The following MDGA1 variants were observed in gnomAD, a reference collection of about 807,000 sequenced individuals.
MDGA1 encodes the protein MAM domain containing glycosylphosphatidylinositol anchor 1, also known as MAM domain-containing glycosylphosphatidylinositol anchor protein 1.
MDGA1 carries 54 observed loss-of-function variants against 101.5 expected under a neutral mutation model. The observed-to-expected ratio is 0.53, with a 90% CI of 0.43 to 0.67. MDGA1 has a LOEUF of 0.67. Among genes scored for constraint, MDGA1 ranks in the 30% least tolerant of loss-of-function variants. The pLI, the probability that MDGA1 is intolerant of heterozygous loss-of-function variation, is 0.00. For missense variants in MDGA1, 1,083 were observed against 1,323.8 expected (o/e 0.82, Z 2.82); for synonymous variants, 533 against 558.3 (o/e 0.95, Z 0.64).
In MDGA1 at chr6:37,650,287, G is replaced by A. The variant is rs753663146; in HGVS notation, c.1431C>T (p.Arg477=). 9 of 1,605,162 alleles carry A rather than the reference G, an allele frequency of 5.6e-6. No individual in the cohort carries two copies. Among genetic ancestry groups the A allele is most frequent in the Admixed American group, 5.0e-5 (3 of 59,436 alleles). ...GKPRPPVLWS[R]VDKEAALLPS... Reference sequence around the variant, plus strand: ...GCAGCAGTGCAGCCTCCTTGTCCACGCGGGACCAGAGCACTGGCGGCCGCG... The same window carrying A: ...GCAGCAGTGCAGCCTCCTTGTCCACACGGGACCAGAGCACTGGCGGCCGCG... Residue 477 remains arginine, a synonymous_variant, in exon 8 of 17, where the codon CGC becomes CGT. Transcript: ENST00000434837.
At position 37,654,561 on chromosome 6, in the gene MDGA1, G is replaced by A. The variant is rs747325767; in HGVS notation, c.713-18C>T. The A allele has an allele frequency of 3.7e-6, 6 of 1,613,872 alleles. No individual in the cohort carries two copies. The African/African-American group carries it at 8.0e-5, about 22-fold the overall frequency. On this transcript the variant is annotated intron_variant, in intron 5 of 16. Transcript: ENST00000434837. ...TGGTGGTGCTAAGAGGACAAGGAGG[G>A]GGGTCTTAGGGGACTGTGAGGCAGG...
At position 37,682,930 on chromosome 6, in the gene MDGA1, G is replaced by A. The variant is rs114712616; in HGVS notation, c.67+13815C>T. 2.1e-3 allele frequency among the ~76,000 whole-genome samples: 317 copies of A among 152,306 alleles called. 2 individuals carry two copies. Among genetic ancestry groups the A allele is most frequent in the African/African-American group, 7.4e-3 (308 of 41,560 alleles). On this transcript the variant is annotated intron_variant, in intron 1 of 16. Transcript: ENST00000434837. ...GCAGGCCACTCTGGTCATAGCCCAT[G>A]GCTTGGCTCCTGGGCAGGGAAGTAG... is the stretch of plus-strand genomic sequence containing the variant.
chr6:37,670,686 C>T (rs1761849967), intron 1 of MDGA1, among the ~76,000 whole-genome samples: 1 of 152,220 alleles, frequency 6.6e-6, no homozygotes, highest in Non-Finnish European at 1.5e-5. Context: ...GCCTGCAAGC[C>T]GTTTGCATGA....
chr6:37,655,059 C>A lies in MDGA1; in HGVS notation c.580-127G>T. On this transcript the variant is annotated intron_variant, in intron 4 of 16. Transcript: ENST00000434837. The surrounding 1 kb of genome is among the most constrained non-coding windows in gnomAD (Gnocchi z 5.1). The stretch of plus-strand genomic sequence containing the variant: ...AATTCCTCTCTTTCCATCCCCAACC[C>A]CACCCTCACCATTTAGCCCCAGGGG... 1 of 1,176,892 alleles carries A rather than the reference C, an allele frequency of 8.5e-7. No homozygotes were observed. Among genetic ancestry groups the A allele is most frequent in the Non-Finnish European group, 1.2e-6 (1 of 847,698 alleles). 72.9% of individuals were successfully genotyped at this position (1,176,892 alleles called of 1,614,324 possible). A position where few individuals can be genotyped will look rare whatever the true frequency, so the allele number is the denominator to read the frequency against.
intron 14 of MDGA1, among the ~76,000 whole-genome samples, chr6:37,640,215 G>A (rs943454260): frequency 6.6e-6 from 1 of 152,298 alleles, no homozygotes; most frequent in African/African-American, 2.4e-5. Flanking sequence ...AATGTGGTAA[G>A]AGGGCATGTT....
intron 1 of MDGA1, among the ~76,000 whole-genome samples, chr6:37,665,327 G>C (rs1012719295): frequency 6.6e-6 from 1 of 151,878 alleles, no homozygotes; most frequent in Non-Finnish European, 1.5e-5. Flanking sequence ...ACACAAGGAG[G>C]TAAAAATGAC....
chr6:37,651,284 CCAAT>C (rs575219305), intron 7 of MDGA1, among the ~76,000 whole-genome samples: 15 of 152,298 alleles, frequency 9.8e-5, no homozygotes, highest in Admixed American at 3.3e-4. Flanking sequence ...AACACATTGC[CCAAT>C]CAGAGGGTCT....
chr6:37,660,333 T>C (rs1761593436), intron 2 of MDGA1, among the ~76,000 whole-genome samples: 1 of 152,094 alleles, frequency 6.6e-6, no homozygotes, highest in Admixed American at 6.5e-5. Flanking sequence ...TCTTTAAATA[T>C]TGCCTCCTCT....
At chr6:37,645,195 T>C (rs543097224) in intron 12 of MDGA1, among the ~76,000 whole-genome samples, 13 of 152,266 alleles carry the variant, frequency 8.5e-5, no homozygotes, top group Admixed American at 3.9e-4. Flanking sequence ...CCTCCATTCA[T>C]CATTGAAGGG....
chr6:37,654,172 G>A, intron 6 of MDGA1, 102 bp downstream of exon 6: 1 of 1,341,738 alleles, frequency 7.5e-7, no homozygotes, highest in Non-Finnish European at 9.9e-7. Flanking sequence ...ATCTACCAAG[G>A]AGAAGCAGAC....
chr6:37,691,807 C>G (rs1762313501), intron 1 of MDGA1, among the ~76,000 whole-genome samples: 1 of 152,200 alleles, frequency 6.6e-6, no homozygotes, highest in African/African-American at 2.4e-5. Context: ...CTTCTGACCA[C>G]AGGGAGAAGA....
rs1269577094 is a variant in MDGA1, at chr6:37,652,314, T to A, written c.1009A>T (p.Thr337Ser). Residue 337 changes from threonine to serine, a missense_variant, in exon 7 of 17, where the codon ACT becomes TCT. This residue lies in a region of MDGA1 where 116 missense variants were observed against 196.6 expected (regional missense o/e 0.59). Coordinates refer to ENST00000434837, the MANE Select transcript of MDGA1 (RefSeq NM_153487.4). The surrounding 1 kb of genome is among the most constrained non-coding windows in gnomAD (Gnocchi z 4.3). Reference protein sequence around the residue: ...RSMKNATFQITPDVIKESENI... With the variant: ...RSMKNATFQISPDVIKESENI... ...TCACTCTCTTTGATCACGTCAGGAGTGATCTGGAATGTAGCGTTCTTCATG... is the reference window on the plus strand; with the variant it reads ...TCACTCTCTTTGATCACGTCAGGAGAGATCTGGAATGTAGCGTTCTTCATG... 1.2e-6 allele frequency: 2 copies of A among 1,612,246 alleles called. No individual in the cohort carries two copies. The highest frequency in any genetic ancestry group is 2.7e-5 in the African/African-American group (2 of 74,840).
intron 1 of MDGA1, among the ~76,000 whole-genome samples, chr6:37,676,166 C>T (rs1332691883): frequency 6.6e-6 from 1 of 152,214 alleles, no homozygotes; most frequent in Non-Finnish European, 1.5e-5. Flanking sequence ...TCCTCCTGTT[C>T]CAGGGTGAAT....
At chr6:37,682,377 G>C (rs535773231) in intron 1 of MDGA1, among the ~76,000 whole-genome samples, 1 of 152,138 alleles carries the variant, frequency 6.6e-6, no homozygotes, top group Non-Finnish European at 1.5e-5. Flanking sequence ...CCAGCTACTC[G>C]GGAGGTTGAG....
At chr6:37,640,352 G>A (rs1487127164) in intron 14 of MDGA1, among the ~76,000 whole-genome samples, 1 of 151,970 alleles carries the variant, frequency 6.6e-6, no homozygotes, top group Non-Finnish European at 1.5e-5. Context: ...AGTGAGCAAA[G>A]CTCATTCTTT....
At chr6:37,690,200 C>T (rs1762280717) in intron 1 of MDGA1, among the ~76,000 whole-genome samples, 2 of 152,158 alleles carry the variant, frequency 1.3e-5, no homozygotes. Flanking sequence ...CCACAAAGCT[C>T]CCTAGGACTC....
In MDGA1 at chr6:37,638,383, A is replaced by G. The variant is rs1439123016; in HGVS notation, c.2668-70T>C. 2 of 1,505,400 alleles carry G rather than the reference A, an allele frequency of 1.3e-6. No individual in the cohort carries two copies. Among genetic ancestry groups the G allele is most frequent in the Non-Finnish European group, 1.8e-6 (2 of 1,104,326 alleles). 93.3% of individuals were successfully genotyped at this position (1,505,400 alleles called of 1,614,324 possible). A position where few individuals can be genotyped will look rare whatever the true frequency, so the allele number is the denominator to read the frequency against. ...TGCTGGGTACCAGAGTGCTCCCTCG[A>G]CCCCACCTTTCCCCTTAATCTACCT... On this transcript the variant is annotated intron_variant, in intron 15 of 16. Transcript: ENST00000434837. This position sits in a 1 kb window ranked among gnomAD's most constrained non-coding sequence, Gnocchi z 4.8.
rs765133851 is a variant in MDGA1, at chr6:37,655,788, G to A, written c.491C>T (p.Pro164Leu). 2.5e-6 allele frequency: 4 copies of A among 1,613,634 alleles called. No individual in the cohort carries two copies. The highest frequency in any genetic ancestry group is 2.5e-6 in the Non-Finnish European group (3 of 1,179,756). ...FLRCTVNSNP[P>L]ARFIWKRGSD... ...ACCCCGCTTCCAGATGAAGCGGGCAGGCGGGTTGGAGTTGACAGTACAGCG... is the reference window on the plus strand; with the variant it reads ...ACCCCGCTTCCAGATGAAGCGGGCAAGCGGGTTGGAGTTGACAGTACAGCG... The change falls in exon 4 of 17, where the codon CCT becomes CTT. Residue 164 changes from proline (P) to leucine (L), a missense_variant. By Grantham distance (98) the Pro-to-Leu change is moderately conservative. Around this residue, in one of 3 missense-constraint regions of MDGA1, gnomAD observed 310 missense variants for 355.9 expected, o/e 0.87. Coordinates refer to ENST00000434837, the MANE Select transcript of MDGA1 (RefSeq NM_153487.4). This position sits in a 1 kb window ranked among gnomAD's most constrained non-coding sequence, Gnocchi z 5.1.
At chr6:37,651,145 T>C (rs1163015692) in intron 7 of MDGA1, among the ~76,000 whole-genome samples, 1 of 152,250 alleles carries the variant, frequency 6.6e-6, no homozygotes, top group African/African-American at 2.4e-5. Context: ...TAGCCCTGAC[T>C]GCTCACCAGC....
Sources: gnomAD v4.1 joint callset for allele counts (sites outside exome capture counted in the v4.1 genomes callset) on GRCh38, gnomAD v4.1.1 for gene constraint, gnomAD v4.1.1 regional missense constraint, Gnocchi (gnomAD v3.1) non-coding constraint, MANE v1.5 for transcripts, NCBI Gene and HGNC (gene_info 2026-07-23, HGNC 2026-07-21) for gene names.